Variants in CARMIL1 observed in about 807,000 individuals in gnomAD.
CARMIL1 encodes the protein F-actin-uncapping protein LRRC16A.
CARMIL1 carries 90 observed loss-of-function variants against 177.1 expected under a neutral mutation model. The ratio of observed to expected loss-of-function variants is 0.51; its 90% CI spans 0.43 to 0.61. The LOEUF is 0.61. Ranked by LOEUF, CARMIL1 falls within the 20% of genes least tolerant of loss-of-function variation. The probability of loss-of-function intolerance (pLI) is 0.00; values close to 1 mark genes in which losing one functional copy is unlikely to be tolerated. For missense variants in CARMIL1, 1,380 were observed against 1,667.0 expected (o/e 0.83, Z 3.00); for synonymous variants, 577 against 606.2 (o/e 0.95, Z 0.71).
At chr6:25,424,369 A>G (rs1341474267) in intron 3 of CARMIL1, among the ~76,000 whole-genome samples, 2 of 152,282 alleles carry the variant, frequency 1.3e-5, no homozygotes, top group South Asian at 4.1e-4. Context: ...GACAGCACTC[A>G]GGTACAGTAG....
At position 25,558,175 on chromosome 6, in the gene CARMIL1, G is replaced by A. The variant is rs901593273; in HGVS notation, c.2742+1325G>A. On this transcript the variant is annotated intron_variant, in intron 29 of 36. Transcript: ENST00000329474. This position sits in a 1 kb window ranked among gnomAD's most constrained non-coding sequence, Gnocchi z 4.1. ...ATTGTTCTGGAAAGCTCTTAGACTA[G>A]CCCTAAAAGAAAACAAATAATAAGA... Among the ~76,000 whole-genome samples, 1 of 151,990 alleles carries A rather than the reference G, an allele frequency of 6.6e-6. No individual in the cohort carries two copies. Among genetic ancestry groups the A allele is most frequent in the Non-Finnish European group, 1.5e-5 (1 of 67,992 alleles).
intron 2 of CARMIL1, among the ~76,000 whole-genome samples, chr6:25,356,245 G>C (rs942369003): frequency 3.3e-5 from 5 of 151,992 alleles, no homozygotes; most frequent in African/African-American, 1.2e-4. Context: ...TTTTAGTAGA[G>C]ACAGGGTTTC....
chr6:25,542,317 G>A (rs546355479), intron 26 of CARMIL1, among the ~76,000 whole-genome samples: 4 of 152,222 alleles, frequency 2.6e-5, no homozygotes, highest in East Asian at 1.9e-4. Flanking sequence ...GAAAATATCC[G>A]AAGTATAACA....
chr6:25,582,708 A>G (rs1393685444), intron 31 of CARMIL1, among the ~76,000 whole-genome samples: 1 of 152,174 alleles, frequency 6.6e-6, no homozygotes, highest in Non-Finnish European at 1.5e-5. Context: ...TGGGCTGAGA[A>G]CTACTTTCAA....
chr6:25,318,758 T>C (rs1036595536), intron 2 of CARMIL1, among the ~76,000 whole-genome samples: 10 of 152,030 alleles, frequency 6.6e-5, no homozygotes, highest in African/African-American at 2.2e-4. Flanking sequence ...GGAGTTGCAT[T>C]AGGAAGGCGA....
chr6:25,365,516 C>G (rs12665780), intron 2 of CARMIL1, among the ~76,000 whole-genome samples: 13,076 of 152,178 alleles, frequency 0.086, 1,052 homozygotes, highest in African/African-American at 0.22. Flanking sequence ...AAAAAAACTT[C>G]CAGTATTGGA....
intron 8 of CARMIL1, among the ~76,000 whole-genome samples, chr6:25,462,272 T>G (rs1562171780): frequency 6.6e-6 from 1 of 152,212 alleles, no homozygotes; most frequent in African/African-American, 2.4e-5. Flanking sequence ...GCCTGTTTCT[T>G]CTGCTTATAA....
intron 2 of CARMIL1, among the ~76,000 whole-genome samples, chr6:25,334,200 G>T (rs1034289064): frequency 3.3e-5 from 5 of 152,192 alleles, no homozygotes; most frequent in African/African-American, 1.2e-4. Flanking sequence ...AGAGGTATCC[G>T]GAACAGAGTC....
At chr6:25,335,002 A>C (rs1211625977) in intron 2 of CARMIL1, among the ~76,000 whole-genome samples, 1 of 152,190 alleles carries the variant, frequency 6.6e-6, no homozygotes, top group Non-Finnish European at 1.5e-5. Context: ...CTGTCTTTAC[A>C]AAGGTTTCTA....
rs548900008 is a variant in CARMIL1, at chr6:25,598,539, C to T, written c.3120-1775C>T. On this transcript the variant is annotated intron_variant, in intron 32 of 36. Transcript: ENST00000329474. Reference sequence around the variant, plus strand: ...TAGGCATGAACTACCATGCCCAGGCCATTACTCAGATTTTTTATTTCCTCT... The same window carrying T: ...TAGGCATGAACTACCATGCCCAGGCTATTACTCAGATTTTTTATTTCCTCT... Among the ~76,000 whole-genome samples the T allele has an allele frequency of 1.1e-4, 16 of 152,248 alleles. No homozygotes were observed. The East Asian group carries it at 2.9e-3, about 28-fold the overall frequency.
intron 3 of CARMIL1, among the ~76,000 whole-genome samples, chr6:25,423,608 A>G (rs1268547077): frequency 6.6e-6 from 1 of 152,190 alleles, no homozygotes; most frequent in Non-Finnish European, 1.5e-5. Flanking sequence ...GAGGAGCTGA[A>G]GCATAGACTG....
At chr6:25,520,624 G>C (rs1806457424) in intron 23 of CARMIL1, among the ~76,000 whole-genome samples, 1 of 152,114 alleles carries the variant, frequency 6.6e-6, no homozygotes, top group African/African-American at 2.4e-5. Context: ...TGATTGGCTG[G>C]GGGAGAAATG....
At chr6:25,399,909 C>A (rs376682253) in intron 2 of CARMIL1, among the ~76,000 whole-genome samples, 36 of 152,292 alleles carry the variant, frequency 2.4e-4, no homozygotes, top group African/African-American at 8.4e-4. Context: ...GTTTTATATA[C>A]ATCCTCTTAT....
chr6:25,591,623 A>G (rs918743199), intron 31 of CARMIL1, among the ~76,000 whole-genome samples: 1 of 152,228 alleles, frequency 6.6e-6, no homozygotes, highest in African/African-American at 2.4e-5. Context: ...CAGCATGTAC[A>G]TTTGACCTTG....
intron 29 of CARMIL1, 54 bp downstream of exon 29, chr6:25,556,904 G>GTT (rs34575637): frequency 0.14 from 149,860 of 1,099,638 alleles, 2,687 homozygotes; most frequent in African/African-American, 0.22. Context: ...CTGTGCCATT[G>GTT]TTTTTTTTTT....
At chr6:25,294,832 G>A (rs1165903077) in intron 2 of CARMIL1, among the ~76,000 whole-genome samples, 1 of 152,168 alleles carries the variant, frequency 6.6e-6, no homozygotes, top group Non-Finnish European at 1.5e-5. Context: ...AACTGTTGGT[G>A]TTTGGGGATC....
chr6:25,582,887 T>C (rs551395015), intron 31 of CARMIL1, among the ~76,000 whole-genome samples: 1 of 152,330 alleles, frequency 6.6e-6, no homozygotes, highest in African/African-American at 2.4e-5. Flanking sequence ...GCCTAGAGTA[T>C]GCCAACCCTG....
chr6:25,514,007 T>C (rs1490463467), intron 20 of CARMIL1, among the ~76,000 whole-genome samples: 1 of 152,192 alleles, frequency 6.6e-6, no homozygotes, highest in Non-Finnish European at 1.5e-5. Flanking sequence ...TAATAAGTTA[T>C]GGCTTAAATC....
intron 29 of CARMIL1, among the ~76,000 whole-genome samples, chr6:25,561,373 A>G (rs568213746): frequency 1.3e-5 from 2 of 152,338 alleles, no homozygotes; most frequent in South Asian, 4.1e-4. Flanking sequence ...CACTAATTGT[A>G]TGTAATTCTT....
Sources: allele counts gnomAD v4.1 joint callset (sites outside exome capture counted in the v4.1 genomes callset), GRCh38; gene constraint gnomAD v4.1.1; non-coding constraint Gnocchi (gnomAD v3.1); transcripts MANE v1.5; gene names NCBI Gene and HGNC (gene_info 2026-07-23, HGNC 2026-07-21).